Variants in SRGAP1 observed in about 807,000 individuals in gnomAD.
SRGAP1 encodes the protein SLIT-ROBO Rho GTPase activating protein 1.
A neutral mutation model predicts 121.9 loss-of-function variants in SRGAP1; 43 were observed. The observed-to-expected ratio is 0.35, with a 90% CI of 0.28 to 0.46. The LOEUF (loss-of-function observed/expected upper bound fraction) is 0.46, where lower values mean the gene tolerates loss of function less well. SRGAP1 is among the 20% of genes least tolerant of loss of function. The probability of loss-of-function intolerance (pLI) is 1.00; values close to 1 mark genes in which losing one functional copy is unlikely to be tolerated. For synonymous variants in SRGAP1, 447 were observed against 485.4 expected (o/e 0.92, Z 1.04); for missense variants, 1,102 against 1,350.9 (o/e 0.82, Z 2.89).
intron 1 of SRGAP1, among the ~76,000 whole-genome samples, chr12:63,941,093 G>A (rs951752318): frequency 1.2e-4 from 18 of 151,814 alleles, no homozygotes; most frequent in African/African-American, 2.4e-4. Context: ...TACATTCATT[G>A]TGGTAAATAA....
At chr12:63,852,411 A>G (rs1388982246) in intron 1 of SRGAP1, among the ~76,000 whole-genome samples, 2 of 152,240 alleles carry the variant, frequency 1.3e-5, no homozygotes, top group Non-Finnish European at 2.9e-5. Context: ...CTAATCTTGA[A>G]TTATCCTAAG....
At chr12:64,119,139 G>A (rs1565688758) in intron 18 of SRGAP1, among the ~76,000 whole-genome samples, 5 of 152,116 alleles carry the variant, frequency 3.3e-5, no homozygotes, top group South Asian at 4.2e-4. Context: ...TGTAATTGTC[G>A]CAATTATCTC....
In SRGAP1 at chr12:64,144,866, T is replaced by C. The variant is rs548606689; in HGVS notation, c.*2194T>C. ...TTTTTTTTTTTTTTTTTTTTTTGAG[T>C]TGGAGTCTTGCTCTGTCGCCCAGGC... On this transcript the variant is annotated 3_prime_UTR_variant, in exon 22 of 22. Coordinates refer to ENST00000355086, the MANE Select transcript of SRGAP1 (RefSeq NM_020762.4). 2 of 141,306 alleles carry C rather than the reference T, an allele frequency of 1.4e-5. No homozygotes were observed. The highest frequency in any genetic ancestry group is 3.0e-5 in the Non-Finnish European group (2 of 65,778). The allele number at this position is 141,306 out of a possible 1,614,324, so 8.8% of individuals were successfully genotyped here.
intron 10 of SRGAP1, among the ~76,000 whole-genome samples, chr12:64,083,144 C>T (rs2035877385): frequency 6.6e-6 from 1 of 152,188 alleles, no homozygotes; most frequent in African/African-American, 2.4e-5. Context: ...GCGCCCATCA[C>T]ATAGTGAAGT....
At chr12:63,945,945 A>G (rs951666343) in intron 1 of SRGAP1, among the ~76,000 whole-genome samples, 17 of 151,940 alleles carry the variant, frequency 1.1e-4, no homozygotes, top group African/African-American at 3.1e-4. Context: ...TCACCCACAC[A>G]TACCTTCCTA....
intron 18 of SRGAP1, among the ~76,000 whole-genome samples, chr12:64,125,102 G>A (rs895694928): frequency 2.0e-5 from 3 of 151,980 alleles, no homozygotes; most frequent in African/African-American, 7.3e-5. Context: ...TTGTAGCCAC[G>A]GCCGCTTCCC....
chr12:63,946,154 T>C (rs11175213), intron 1 of SRGAP1, among the ~76,000 whole-genome samples: 57,781 of 152,050 alleles, frequency 0.38, 11,648 homozygotes, highest in East Asian at 0.54. Context: ...ATGGAGGTCT[T>C]TGTAATGAAC....
chr12:64,009,750 TAA>T (rs11397428), intron 3 of SRGAP1, among the ~76,000 whole-genome samples: 2 of 151,898 alleles, frequency 1.3e-5, no homozygotes, highest in Admixed American at 1.3e-4. Context: ...GAGTTTTGTC[TAA>T]AAAAATCTGG....
chr12:63,958,405 G>C (rs1348749383), intron 1 of SRGAP1, among the ~76,000 whole-genome samples: 1 of 152,160 alleles, frequency 6.6e-6, no homozygotes, highest in African/African-American at 2.4e-5. Context: ...CTTACCAAAA[G>C]GCTGTGTCCC....
chr12:64,139,383 G>A (rs1253503706), intron 21 of SRGAP1, among the ~76,000 whole-genome samples: 2 of 152,168 alleles, frequency 1.3e-5, no homozygotes, highest in Non-Finnish European at 2.9e-5. Flanking sequence ...AATGAAGCCA[G>A]ATTTTTTATT....
chr12:63,926,129 A>G (rs1447132997), intron 1 of SRGAP1, among the ~76,000 whole-genome samples: 1 of 152,204 alleles, frequency 6.6e-6, no homozygotes. Flanking sequence ...GTAGTTTGAT[A>G]TTATACCACT....
At chr12:64,035,543 T>C (rs1236434285) in intron 4 of SRGAP1, among the ~76,000 whole-genome samples, 1 of 152,178 alleles carries the variant, frequency 6.6e-6, no homozygotes, top group African/African-American at 2.4e-5. Context: ...TGGGCTAATG[T>C]CTACCTGATT....
In SRGAP1 at chr12:63,990,037, C is replaced by G. The variant is rs1249499773; in HGVS notation, c.391C>G (p.Gln131Glu). 6.2e-7 allele frequency: 1 copy of G among 1,611,922 alleles called. No individual in the cohort carries two copies. Among genetic ancestry groups the G allele is most frequent in the African/African-American group, 1.3e-5 (1 of 74,786 alleles). Residue 131 changes from glutamine (Q) to glutamate (E), a missense_variant, in exon 3 of 22, where the codon CAG (glutamine) becomes GAG (glutamate). Coordinates refer to ENST00000355086, the MANE Select transcript of SRGAP1 (RefSeq NM_020762.4). ...YLNNVIMRFM[Q>E]ISEDSTRMFK... The stretch of plus-strand genomic sequence containing the variant: ...GAACAATGTGATTATGCGGTTCATG[C>G]AGATAAGTGAGGATTCTACCAGGAT...
chr12:63,892,176 C>T (rs1271429778), intron 1 of SRGAP1, among the ~76,000 whole-genome samples: 1 of 152,040 alleles, frequency 6.6e-6, no homozygotes, highest in Non-Finnish European at 1.5e-5. Flanking sequence ...TAATGAAAAG[C>T]AACCATTCCC....
chr12:63,967,830 G>C (rs748200618), intron 1 of SRGAP1, among the ~76,000 whole-genome samples: 1 of 152,202 alleles, frequency 6.6e-6, no homozygotes, highest in Non-Finnish European at 1.5e-5. Flanking sequence ...GAGAGCAGAA[G>C]GGCTTTCCCC....
At chr12:63,914,153 C>T (rs1203077142) in intron 1 of SRGAP1, among the ~76,000 whole-genome samples, 1 of 152,154 alleles carries the variant, frequency 6.6e-6, no homozygotes, top group Non-Finnish European at 1.5e-5. Context: ...CTGAATTCTA[C>T]TGTGTTTTAT....
In SRGAP1 at chr12:63,876,467, A is replaced by G. The variant is rs932329372; in HGVS notation, c.67+31584A>G. Among the ~76,000 whole-genome samples the G allele has an allele frequency of 2.6e-5, 4 of 152,292 alleles. No individual in the cohort carries two copies. The South Asian group carries it at 8.3e-4, about 32-fold the overall frequency. On this transcript the variant is annotated intron_variant, in intron 1 of 21. Coordinates refer to ENST00000355086, the MANE Select transcript of SRGAP1 (RefSeq NM_020762.4). ...CTGCTTATACTATCTTTATTATGTAATTTGAATATTTATGACAATGGAAAT... is the reference window on the plus strand; with the variant it reads ...CTGCTTATACTATCTTTATTATGTAGTTTGAATATTTATGACAATGGAAAT...
chr12:64,078,918 G>T lies in SRGAP1; in HGVS notation c.1126-1G>T. 6.2e-7 allele frequency: 1 copy of T among 1,612,402 alleles called. No homozygotes were observed. The highest frequency in any genetic ancestry group is 8.5e-7 in the Non-Finnish European group (1 of 1,179,844). ...CGTGAGAAATGTATTTCTATTCCCA[G>T]GTTAAGAAAACGACTGAAGCCACCT... On this transcript the variant is annotated splice_acceptor_variant, in intron 8 of 21. Coordinates refer to ENST00000355086, the MANE Select transcript of SRGAP1 (RefSeq NM_020762.4). LOFTEE classifies it high-confidence loss of function.
At chr12:63,954,213 A>G (rs376841031) in intron 1 of SRGAP1, among the ~76,000 whole-genome samples, 1 of 152,228 alleles carries the variant, frequency 6.6e-6, no homozygotes, top group Non-Finnish European at 1.5e-5. Context: ...ATATAACTCT[A>G]TTAGGAAGAT....
Sources: allele counts gnomAD v4.1 joint callset (sites outside exome capture counted in the v4.1 genomes callset), GRCh38; gene constraint gnomAD v4.1.1; transcripts MANE v1.5; gene names NCBI Gene and HGNC (gene_info 2026-07-23, HGNC 2026-07-21).